Variants in INF2 observed in about 807,000 individuals in gnomAD.
The protein encoded by INF2 is inverted formin-2.
In INF2, 43 loss-of-function variants were observed where a neutral mutation model predicts 123.5. The ratio of observed to expected loss-of-function variants is 0.35; its 90% CI spans 0.27 to 0.45. The LOEUF (loss-of-function observed/expected upper bound fraction) is 0.45. Among genes scored for constraint, INF2 ranks in the 20% least tolerant of loss-of-function variants. The probability of loss-of-function intolerance (pLI) is 1.00; values close to 1 mark genes in which losing one functional copy is unlikely to be tolerated. For synonymous variants in INF2, 851 were observed against 745.0 expected, an observed-to-expected ratio of 1.14 and a Z score of -2.32; for missense variants, 1,453 against 1,682.7, an observed-to-expected ratio of 0.86 and a Z score of 2.39.
At chr14:104,709,950 G>T in intron 12 of INF2, 138 bp from the exon 13 acceptor site, 1 of 804,674 alleles carries the variant, frequency 1.2e-6, no homozygotes, top group East Asian at 2.7e-5. Context: ...GGCCCGGGAG[G>T]GTGCCTGTTG....
In INF2 at chr14:104,684,157, C is replaced by A. The variant is rs772059126; in HGVS notation, c.-104+2575C>A. ...CTCTCCCCATCATGCAAGTAACCTG[C>A]GTGCCGCCACGGGAAACAGCACGCA... On this transcript the variant is annotated intron_variant, in intron 1 of 2. Transcript: ENST00000674723. The surrounding 1 kb of genome is among the most constrained non-coding windows in gnomAD (Gnocchi z 5.0). 4.4e-6 allele frequency: 2 copies of A among 455,636 alleles called. No homozygotes were observed. Among genetic ancestry groups the A allele is most frequent in the Non-Finnish European group, 8.8e-6 (2 of 226,624 alleles). The allele number at this position is 455,636 out of a possible 1,614,324, so 28.2% of individuals were successfully genotyped here. A position where few individuals can be genotyped will look rare whatever the true frequency, so the allele number is the denominator to read the frequency against.
chr14:104,703,109 G>T lies in INF2; in HGVS notation c.396G>T (p.Leu132=). Residue 132 remains leucine (L), a synonymous_variant, in exon 3 of 23, where the codon CTG becomes CTT. Transcript: ENST00000392634. ...CTGCCCACTCCACCCTGGCAGCCCT[G>T]GACACATCCAACGTGATGGTGAAGA... ...QGYVRQLSQA[L]DTSNVMVKKQ... is the part of the protein sequence containing the mutation. 1.9e-6 allele frequency: 3 copies of T among 1,613,090 alleles called. No individual in the cohort carries two copies. Among genetic ancestry groups the T allele is most frequent in the Non-Finnish European group, 2.5e-6 (3 of 1,179,600 alleles).
At chr14:104,687,460 CCACA>C (rs5811148), upstream of INF2, among the ~76,000 whole-genome samples, 1 of 149,398 alleles carries the variant, frequency 6.7e-6, no homozygotes, top group Admixed American at 6.6e-5. The surrounding 1 kb of genome is among the most constrained non-coding windows in gnomAD (Gnocchi z 5.6). Flanking sequence ...GGCCTCCACT[CCACA>C]CACACACACA....
chr14:104,688,755 C>CTA (rs1888770700), upstream of INF2, among the ~76,000 whole-genome samples: 1 of 152,158 alleles, frequency 6.6e-6, no homozygotes, highest in Non-Finnish European at 1.5e-5. Context: ...GCCAGTGGCC[C>CTA]CCAAACCCCA....
intron 1 of INF2, chr14:104,701,000 C>G (rs914931268): frequency 2.6e-6 from 1 of 378,916 alleles, no homozygotes; most frequent in Non-Finnish European, 3.6e-6. Flanking sequence ...CTCCCGCTCC[C>G]CCGAGTCCTC....
chr14:104,706,161 C>A lies in INF2; in HGVS notation c.828C>A (p.Ala276=). 6.3e-7 allele frequency: 1 copy of A among 1,586,874 alleles called. No individual in the cohort carries two copies. The highest frequency in any genetic ancestry group is 1.1e-5 in the South Asian group (1 of 87,336). The part of the protein sequence containing the change: ...VDMSSHQEVF[A]SLFHKVSCSP... ...TGAGCAGCCACCAGGAGGTCTTTGCCTCCCTGTTCCACAAGGTGGGCTGGG... is the reference window on the plus strand; with the variant it reads ...TGAGCAGCCACCAGGAGGTCTTTGCATCCCTGTTCCACAAGGTGGGCTGGG... The change falls in exon 6 of 23, where the codon GCC becomes GCA. Residue 276 remains alanine (A), a synonymous_variant. Transcript: ENST00000392634.
Position 104,721,251 on chromosome 14 carries a change from G to A in INF2, c.*2458G>A, listed in dbSNP as rs1346699290. 5 of 130,502 alleles carry A rather than the reference G, an allele frequency of 3.8e-5. No individual in the cohort carries two copies. The highest frequency in any genetic ancestry group is 8.9e-5 in the African/African-American group (3 of 33,662). 8.1% of individuals were successfully genotyped at this position (130,502 alleles called of 1,614,324 possible). On this transcript the variant is annotated 3_prime_UTR_variant, in exon 23 of 23. Transcript: ENST00000392634. ...GCGTCGTCCTCGTGTGGATGCTGCT[G>A]TGGACGTCTGCGTAGTCTCGTGTGG...
At chr14:104,691,552 T>C (rs1380951860) in intron 1 of INF2, among the ~76,000 whole-genome samples, 1 of 152,096 alleles carries the variant, frequency 6.6e-6, no homozygotes, top group Non-Finnish European at 1.5e-5. Flanking sequence ...CACATTACAT[T>C]GGAGAAGGCA....
At position 104,707,608 on chromosome 14, in the gene INF2, C is replaced by A; in HGVS notation, c.1341C>A (p.Pro447=). ...PPPPPPPPPL[P]SVGAKALPTA... ...CCCCTCCCCCACCACCCCCCCTGCC[C>A]AGTGTGGGGGCTAAGGCCCTCCCAA... Residue 447 remains proline (P), a synonymous_variant, in exon 8 of 23, where the codon CCC becomes CCA. Coordinates refer to ENST00000392634, the MANE Select transcript of INF2 (RefSeq NM_022489.4). The A allele has an allele frequency of 8.7e-7, 1 of 1,151,024 alleles. No homozygotes were observed. The highest frequency in any genetic ancestry group is 1.7e-5 in the African/African-American group (1 of 60,382). The allele number at this position is 1,151,024 out of a possible 1,614,324, so 71.3% of individuals were successfully genotyped here.
At chr14:104,681,517 T>A (rs1275034499) in exon 1 of INF2, 1 of 1,278,806 alleles carries the variant, frequency 7.8e-7, no homozygotes, top group Non-Finnish European at 1.0e-6. Flanking sequence ...GCGCCCCCTC[T>A]CAGCAAACTC....
intron 2 of INF2, 24 bp downstream of exon 2, chr14:104,701,780 GC>G: frequency 6.8e-7 from 1 of 1,464,566 alleles, no homozygotes. Flanking sequence ...TGGGAGGGCC[GC>G]CCAGGCGGAC....
At chr14:104,705,976 C>T in intron 5 of INF2, 59 bp from the exon 6 acceptor site, 1 of 1,582,748 alleles carries the variant, frequency 6.3e-7, no homozygotes, top group Non-Finnish European at 8.6e-7. Flanking sequence ...CCAGGCTGCC[C>T]CGCCTGCGTG....
At chr14:104,702,508 T>C (rs80045946) in intron 2 of INF2, among the ~76,000 whole-genome samples, 2,329 of 152,298 alleles carry the variant, frequency 0.015, 47 homozygotes, top group African/African-American at 0.053. Context: ...GTCCTACCGA[T>C]GCTTGGGGAC....
chr14:104,706,118 T>A lies in INF2; in HGVS notation c.785T>A (p.Val262Asp). The A allele has an allele frequency of 6.2e-7, 1 of 1,611,390 alleles. No individual in the cohort carries two copies. Among genetic ancestry groups the A allele is most frequent in the Non-Finnish European group, 8.5e-7 (1 of 1,179,262 alleles). ...GAGGACGAGGAGGAGCTGCTGCGAG[T>A]CTCTGGCGGGGTCGACATGAGCAGC... The part of the protein sequence containing the change: ...KAEDEEELLR[V>D]SGGVDMSSHQ... The change falls in exon 6 of 23, where the codon GTC becomes GAC. Residue 262 changes from valine to aspartate, a missense_variant. By Grantham distance (152) the Val-to-Asp change is radical. Coordinates refer to ENST00000392634, the MANE Select transcript of INF2 (RefSeq NM_022489.4).
intron 5 of INF2, among the ~76,000 whole-genome samples, chr14:104,705,711 C>T (rs1889750436): frequency 4.6e-5 from 7 of 152,206 alleles, no homozygotes; most frequent in Admixed American, 4.6e-4. Flanking sequence ...GGCCCGGTTC[C>T]ATTGTGTGCC....
At chr14:104,712,402 C>G in intron 16 of INF2, 31 bp from the exon 17 acceptor site, 1 of 1,611,438 alleles carries the variant, frequency 6.2e-7, no homozygotes, top group East Asian at 2.2e-5. Context: ...TCAGCCGTTG[C>G]TGTCTCTGCC....
chr14:104,711,668 C>T lies in INF2; in HGVS notation c.2458C>T (p.Arg820Trp), dbSNP rs79327775. ...CCACCCCGACCTCCTGCAGCTGCCC[C>T]GGGACCTGGAACAGCCCTCGCAAGC... The part of the protein sequence containing the change: ...KSHPDLLQLP[R>W]DLEQPSQAAG... Residue 820 changes from arginine to tryptophan, a missense_variant, in exon 16 of 23, where the codon CGG (arginine) becomes TGG (tryptophan). Physicochemically the swap from Arg to Trp is moderately radical, Grantham distance 101 (BLOSUM62 -3). This residue lies in a region of INF2 where 212 missense variants were observed against 266.2 expected (regional missense o/e 0.80). Transcript: ENST00000392634. 943 of 1,612,460 alleles carry T rather than the reference C, an allele frequency of 5.8e-4. 5 individuals are homozygous for T. In the African/African-American group the frequency reaches 7.5e-3, roughly 13 times the overall value.
At chr14:104,689,606 C>T, upstream of INF2, 1 of 827,064 alleles carries the variant, frequency 1.2e-6, no homozygotes. Context: ...CCGCCCCGCC[C>T]GCCCCGCGCC....
At chr14:104,717,985 C>G (rs1408283006) in intron 22 of INF2, among the ~76,000 whole-genome samples, 1 of 152,252 alleles carries the variant, frequency 6.6e-6, no homozygotes, top group East Asian at 1.9e-4. Flanking sequence ...CGCTTCCCAT[C>G]TTTGGCACAA....
Sources: gnomAD v4.1 joint callset for allele counts (sites outside exome capture counted in the v4.1 genomes callset) on GRCh38, gnomAD v4.1.1 for gene constraint, gnomAD v4.1.1 regional missense constraint, Gnocchi (gnomAD v3.1) non-coding constraint, MANE v1.5 for transcripts, NCBI Gene and HGNC (gene_info 2026-07-23, HGNC 2026-07-21) for gene names.